The following ZBTB21 variants were observed in gnomAD, a reference collection of about 807,000 sequenced individuals.
ZBTB21 encodes zinc finger and BTB domain containing 21.
Under a neutral mutation model 39.8 loss-of-function variants are expected in ZBTB21, and 10 were observed. That is an observed-to-expected ratio of 0.25 (90% confidence interval 0.16 to 0.43). The LOEUF is 0.43. ZBTB21 is among the 20% of genes least tolerant of loss of function. The pLI is 1.00. For missense variants in ZBTB21, 1,221 were observed against 1,296.3 expected (o/e 0.94, Z 0.89); for synonymous variants, 551 against 498.8 (o/e 1.10, Z -1.40).
intron 1 of ZBTB21, among the ~76,000 whole-genome samples, chr21:42,008,402 C>T (rs1257862032): frequency 6.7e-6 from 1 of 149,092 alleles, no homozygotes; most frequent in East Asian, 1.9e-4. Context: ...CCTGTAATCC[C>T]GGCTACTCAG....
At chr21:41,994,372 A>G (rs1209663940) in intron 2 of ZBTB21, among the ~76,000 whole-genome samples, 1 of 152,258 alleles carries the variant, frequency 6.6e-6, no homozygotes, top group Non-Finnish European at 1.5e-5. Flanking sequence ...AAAGGCTGCC[A>G]GAACTTGGCA....
At position 41,991,941 on chromosome 21, in the gene ZBTB21, T is replaced by TTAA; in HGVS notation, c.2154_2155insTTA (p.Asn718_Lys719insLeu). 2 of 1,614,056 alleles carry TTAA rather than the reference T, an allele frequency of 1.2e-6. No homozygotes were observed. The highest frequency in any genetic ancestry group is 1.7e-6 in the Non-Finnish European group (2 of 1,180,008). On this transcript the variant is annotated inframe_insertion, in exon 3 of 3. Transcript: ENST00000310826. The surrounding 1 kb of genome is among the most constrained non-coding windows in gnomAD (Gnocchi z 4.9). The stretch of plus-strand genomic sequence containing the variant: ...CAGAGGCGGCACTGGTAAACCTCCT[T>TTAA]GTTTTCTACTGGACTTGCAAGAGGA...
chr21:42,003,761 T>C (rs922977224), intron 1 of ZBTB21, among the ~76,000 whole-genome samples: 2 of 152,216 alleles, frequency 1.3e-5, no homozygotes, highest in Admixed American at 6.5e-5. Flanking sequence ...AGATAAGGGA[T>C]AGTCAACCTC....
rs185885428 is a variant in ZBTB21, at chr21:42,009,994, G to A, written c.-79+258C>T. On this transcript the variant is annotated intron_variant, in intron 1 of 2. Transcript: ENST00000310826. ...GAATGGAGCATGCGCATTCGCGAGG[G>A]CGAGGCCAAGTGCTGGCAGGGAGCG... Among the ~76,000 whole-genome samples the A allele has an allele frequency of 3.3e-3, 502 of 152,372 alleles. 3 individuals carry two copies. Among genetic ancestry groups the A allele is most frequent in the South Asian group, 5.4e-3 (26 of 4,834 alleles).
Position 41,991,743 on chromosome 21 carries a change from T to C in ZBTB21, c.2353A>G (p.Lys785Glu). Residue 785 changes from lysine (K) to glutamate (E), a missense_variant, in exon 3 of 3, where the codon AAG becomes GAG. Coordinates refer to ENST00000310826, the MANE Select transcript of ZBTB21 (RefSeq NM_001098402.2). This position sits in a 1 kb window ranked among gnomAD's most constrained non-coding sequence, Gnocchi z 4.9. ...TGCCGCCAGATGCTGAAAGAGGACT[T>C]GAAGGTGCGCATGCACTCGAGGCAG... ...LTCLECMRTF[K>E]SSFSIWRHQV... 1 of 1,614,206 alleles carries C rather than the reference T, an allele frequency of 6.2e-7. No homozygotes were observed. The highest frequency in any genetic ancestry group is 1.1e-5 in the South Asian group (1 of 91,088).
intron 1 of ZBTB21, among the ~76,000 whole-genome samples, chr21:42,009,772 T>C (rs914270317): frequency 6.7e-6 from 1 of 148,570 alleles, no homozygotes; most frequent in African/African-American, 2.5e-5. Flanking sequence ...AGGTGCGGGG[T>C]CCCCAAGGCC....
chr21:41,990,908 T>C lies in ZBTB21; in HGVS notation c.3188A>G (p.Gln1063Arg). The C allele has an allele frequency of 3.4e-6, 5 of 1,474,072 alleles. No individual in the cohort carries two copies. The highest frequency in any genetic ancestry group is 4.5e-6 in the Non-Finnish European group (5 of 1,113,938). The allele number at this position is 1,474,072 out of a possible 1,614,324, so 91.3% of individuals were successfully genotyped here. A position where few individuals can be genotyped will look rare whatever the true frequency, so the allele number is the denominator to read the frequency against. Residue 1063 changes from glutamine to arginine, a missense_variant, in exon 3 of 3, where the codon CAA becomes CGA. Transcript: ENST00000310826. The part of the protein sequence containing the change: ...KTAFSLWSHE[Q>R]THN ...AGTGTTGGTCTTTCAATTGTGTGTT[T>C]GTTCGTGACTCCAAAGACTAAATGC...
intron 1 of ZBTB21, among the ~76,000 whole-genome samples, chr21:42,008,276 G>A (rs550702029): frequency 1.6e-3 from 232 of 149,534 alleles, no homozygotes; most frequent in African/African-American, 5.5e-3. Flanking sequence ...GAGACCAAGT[G>A]GGGTGGATCA....
At chr21:42,003,821 A>C (rs1482177498) in intron 1 of ZBTB21, among the ~76,000 whole-genome samples, 2 of 152,210 alleles carry the variant, frequency 1.3e-5, no homozygotes, top group African/African-American at 2.4e-5. Flanking sequence ...CGCTTTTCAG[A>C]AATGCTCATC....
intron 1 of ZBTB21, among the ~76,000 whole-genome samples, chr21:42,005,019 C>G (rs2065862470): frequency 1.3e-5 from 2 of 152,228 alleles, no homozygotes; most frequent in African/African-American, 4.8e-5. Flanking sequence ...AGTCATGTTA[C>G]TATCTTGTAT....
intron 2 of ZBTB21, among the ~76,000 whole-genome samples, chr21:41,997,395 G>T (rs2065761054): frequency 1.3e-5 from 2 of 152,070 alleles, no homozygotes; most frequent in African/African-American, 4.8e-5. Flanking sequence ...GGCCAACATG[G>T]TGAAATTCCA....
In ZBTB21 at chr21:41,993,436, AAG is replaced by A. The variant is rs780960651; in HGVS notation, c.658_659del (p.Leu220Ter). The A allele has an allele frequency of 6.2e-7, 1 of 1,614,234 alleles. No homozygotes were observed. Among genetic ancestry groups the A allele is most frequent in the East Asian group, 2.2e-5 (1 of 44,882 alleles). On this transcript the variant is annotated frameshift_variant, in exon 3 of 3. Transcript: ENST00000310826. LOFTEE classifies it low-confidence loss of function (END_TRUNC). ...KDSSVVYAKS[L>X]EHSGSLDDPN... ...GATCATCCAAAGATCCAGAATGCTC[AAG>A]AGACTTTGCATATACCACAGAACTA...
In ZBTB21 at chr21:41,990,777, G is replaced by T; in HGVS notation, c.*118C>A. 14 of 1,032,692 alleles carry T rather than the reference G, an allele frequency of 1.4e-5. No homozygotes were observed. Among genetic ancestry groups the T allele is most frequent in the Non-Finnish European group, 1.7e-5 (13 of 764,896 alleles). The allele number at this position is 1,032,692 out of a possible 1,614,324, so 64.0% of individuals were successfully genotyped here. A position where few individuals can be genotyped will look rare whatever the true frequency, so the allele number is the denominator to read the frequency against. ...ATTTGCCTCCAACTTAATTTCAAGC[G>T]TAACAATCTCCAACCTTTATTATTC... On this transcript the variant is annotated 3_prime_UTR_variant, in exon 3 of 3. Transcript: ENST00000310826.
chr21:41,996,709 G>T (rs1314875827), intron 2 of ZBTB21, among the ~76,000 whole-genome samples: 1 of 152,176 alleles, frequency 6.6e-6, no homozygotes, highest in Non-Finnish European at 1.5e-5. Context: ...GCCCAGGGTG[G>T]AATGATACAG....
At chr21:41,995,139 G>A (rs2065728748) in intron 2 of ZBTB21, among the ~76,000 whole-genome samples, 1 of 152,198 alleles carries the variant, frequency 6.6e-6, no homozygotes. Flanking sequence ...AGTAGAGTGG[G>A]GCACTGCTGA....
At chr21:41,998,778 C>A (rs186194515) in intron 2 of ZBTB21, among the ~76,000 whole-genome samples, 1 of 152,098 alleles carries the variant, frequency 6.6e-6, no homozygotes, top group Admixed American at 6.5e-5. Flanking sequence ...TGATAAGATG[C>A]GACTCAATTT....
At chr21:42,002,685 C>A (rs1209866136) in intron 2 of ZBTB21, 1 of 152,242 alleles carries the variant, frequency 6.6e-6, no homozygotes, top group Non-Finnish European at 1.5e-5. Flanking sequence ...ACTGCTGCCA[C>A]CACCGTCTAC....
chr21:41,993,310 A>C lies in ZBTB21; in HGVS notation c.786T>G (p.Leu262=), dbSNP rs770596204. 1.9e-6 allele frequency: 3 copies of C among 1,613,324 alleles called. No homozygotes were observed. Among genetic ancestry groups the C allele is most frequent in the Non-Finnish European group, 2.5e-6 (3 of 1,179,936 alleles). The part of the protein sequence containing the change: ...MDDKPGVSGQ[L]PKGKALELAL... ...CCAGCTCTAGAGCTTTTCCTTTTGG[A>C]AGCTGACCACTCACACCTGGTTTAT... is the stretch of plus-strand genomic sequence containing the variant. Residue 262 remains leucine (L), a synonymous_variant, in exon 3 of 3, where the codon CTT becomes CTG. Coordinates refer to ENST00000310826, the MANE Select transcript of ZBTB21 (RefSeq NM_001098402.2).
Position 41,993,553 on chromosome 21 carries a change from T to C in ZBTB21, c.543A>G (p.Ala181=), listed in dbSNP as rs2065702237. 6.2e-7 allele frequency: 1 copy of C among 1,614,140 alleles called. No homozygotes were observed. The highest frequency in any genetic ancestry group is 1.3e-5 in the African/African-American group (1 of 74,954). The stretch of plus-strand genomic sequence containing the variant: ...GTGGCTTATTGGTATTGGCCTTGAC[T>C]GCAATGCTAGGAGAGGGCCGGGAAG... ...SHTSRPSPSI[A]VKANTNKPHV... is the part of the protein sequence containing the mutation. The change falls in exon 3 of 3, where the codon GCA becomes GCG. Residue 181 remains alanine, a synonymous_variant. Transcript: ENST00000310826.
Sources: gnomAD v4.1 joint callset for allele counts (sites outside exome capture counted in the v4.1 genomes callset) on GRCh38, gnomAD v4.1.1 for gene constraint, Gnocchi (gnomAD v3.1) non-coding constraint, MANE v1.5 for transcripts, NCBI Gene and HGNC (gene_info 2026-07-23, HGNC 2026-07-21) for gene names.